Variants in LYN observed in about 807,000 individuals in gnomAD.
The protein encoded by LYN is LYN proto-oncogene, Src family tyrosine kinase.
A neutral mutation model predicts 65.0 loss-of-function variants in LYN; 12 were observed. The ratio of observed to expected loss-of-function variants is 0.18; its 90% CI spans 0.12 to 0.30. The LOEUF (loss-of-function observed/expected upper bound fraction) is 0.30, where lower values mean the gene tolerates loss of function less well. Among genes scored for constraint, LYN ranks in the 10% least tolerant of loss-of-function variants. The pLI, the probability that LYN is intolerant of heterozygous loss-of-function variation, is 1.00. For synonymous variants in LYN, 222 were observed against 221.2 expected, an observed-to-expected ratio of 1.00 and a Z score of -0.03; for missense variants, 380 against 623.2, an observed-to-expected ratio of 0.61 and a Z score of 4.16.
intron 8 of LYN, among the ~76,000 whole-genome samples, chr8:55,962,258 A>T (rs1257445039): frequency 6.6e-6 from 1 of 151,984 alleles, no homozygotes; most frequent in African/African-American, 2.4e-5. Context: ...CGGTTCATTC[A>T]TCTTCATCCT....
At chr8:55,998,893 C>A (rs1001884810) in intron 11 of LYN, among the ~76,000 whole-genome samples, 1 of 152,104 alleles carries the variant, frequency 6.6e-6, no homozygotes, top group South Asian at 2.1e-4. Flanking sequence ...CTTTTAATTA[C>A]AAATTAAAAC....
chr8:55,916,344 G>A (rs1389386148), intron 1 of LYN, among the ~76,000 whole-genome samples: 1 of 152,162 alleles, frequency 6.6e-6, no homozygotes, highest in Non-Finnish European at 1.5e-5. Context: ...ATTACCTACT[G>A]TTAAATGGCC....
At chr8:55,881,497 TC>T (rs1324127723) in intron 1 of LYN, among the ~76,000 whole-genome samples, 1 of 152,210 alleles carries the variant, frequency 6.6e-6, no homozygotes, top group African/African-American at 2.4e-5. Flanking sequence ...AGTTAGTCCC[TC>T]CATTCTCATT....
At chr8:55,898,369 A>T (rs1042390711) in intron 1 of LYN, among the ~76,000 whole-genome samples, 1 of 151,628 alleles carries the variant, frequency 6.6e-6, no homozygotes, top group Non-Finnish European at 1.5e-5. Context: ...GCTCACTGCA[A>T]CCTCCGCCTT....
At position 55,920,267 on chromosome 8, in the gene LYN, A is replaced by G. The variant is rs187252163; in HGVS notation, c.-5-21588A>G. On this transcript the variant is annotated intron_variant, in intron 1 of 12. Transcript: ENST00000519728. ...GGGACTTGGGGACGCATCAGACATT[A>G]TCTGGAGTGCTGTGAAAATTACACC... 2.6e-3 allele frequency among the ~76,000 whole-genome samples: 394 copies of G among 152,310 alleles called. 1 individual carries two copies. The highest frequency in any genetic ancestry group is 9.1e-3 in the African/African-American group (377 of 41,560).
chr8:55,934,369 C>T (rs1011810154), intron 1 of LYN, among the ~76,000 whole-genome samples: 2 of 152,206 alleles, frequency 1.3e-5, no homozygotes, highest in African/African-American at 2.4e-5. Flanking sequence ...TCTTCTTACC[C>T]GCTACTCCTT....
At chr8:55,881,897 G>A (rs115595170) in intron 1 of LYN, among the ~76,000 whole-genome samples, 263 of 152,280 alleles carry the variant, frequency 1.7e-3, no homozygotes, top group African/African-American at 6.1e-3. Flanking sequence ...TGCTCAGTTC[G>A]AGATTACTTG....
chr8:55,947,829 T>C lies in LYN; in HGVS notation c.284+106T>C, dbSNP rs1806829593. The C allele has an allele frequency of 4.0e-6, 3 of 757,010 alleles. No homozygotes were observed. The South Asian group carries it at 4.6e-5, about 12-fold the overall frequency. 46.9% of individuals were successfully genotyped at this position (757,010 alleles called of 1,614,324 possible). A position where few individuals can be genotyped will look rare whatever the true frequency, so the allele number is the denominator to read the frequency against. Reference sequence around the variant, plus strand: ...GGTGCTACAGCCATAGCCCGGCCCCTTTCTTGTAATGGGTATGAGGCCTCC... The same window carrying C: ...GGTGCTACAGCCATAGCCCGGCCCCCTTCTTGTAATGGGTATGAGGCCTCC... On this transcript the variant is annotated intron_variant, in intron 4 of 12. Transcript: ENST00000519728.
At chr8:55,923,195 A>T (rs1469789163) in intron 1 of LYN, among the ~76,000 whole-genome samples, 5 of 152,328 alleles carry the variant, frequency 3.3e-5, no homozygotes, top group African/African-American at 1.2e-4. Flanking sequence ...TAATTTAAAA[A>T]TTTTTTGAAA....
At position 55,953,947 on chromosome 8, in the gene LYN, A is replaced by G. The variant is rs1467399683; in HGVS notation, c.753A>G (p.Lys251=). The change falls in exon 8 of 13, where the codon AAA becomes AAG. Residue 251 remains lysine, a synonymous_variant. Transcript: ENST00000519728. The stretch of plus-strand genomic sequence containing the variant: ...CCCGGGAGTCCATCAAGTTGGTGAA[A>G]AGGCTTGGCGCTGGGCAGTTTGGGG... ...EIPRESIKLV[K]RLGAGQFGEV... 2 of 1,613,994 alleles carry G rather than the reference A, an allele frequency of 1.2e-6. No individual in the cohort carries two copies. The highest frequency in any genetic ancestry group is 1.7e-6 in the Non-Finnish European group (2 of 1,180,010).
chr8:55,916,244 A>G (rs1805777769), intron 1 of LYN, among the ~76,000 whole-genome samples: 2 of 152,090 alleles, frequency 1.3e-5, no homozygotes, highest in South Asian at 2.1e-4. Flanking sequence ...TTGTTTTTTG[A>G]GGGGAAAGTG....
chr8:55,964,704 T>C (rs1173195695), intron 8 of LYN, among the ~76,000 whole-genome samples: 1 of 152,030 alleles, frequency 6.6e-6, no homozygotes, highest in Middle Eastern at 3.2e-3. Context: ...CTGTCTCTCC[T>C]GGAAAAAAGA....
At chr8:55,882,223 C>T (rs961921689) in intron 1 of LYN, among the ~76,000 whole-genome samples, 3 of 152,192 alleles carry the variant, frequency 2.0e-5, no homozygotes, top group African/African-American at 7.2e-5. Flanking sequence ...AGAAGACCTA[C>T]ATTATTTTAG....
chr8:55,898,555 T>C (rs1012489031), intron 1 of LYN, among the ~76,000 whole-genome samples: 3 of 152,150 alleles, frequency 2.0e-5, no homozygotes, highest in Non-Finnish European at 4.4e-5. Context: ...TCCCATAGTG[T>C]TGAGATTACA....
At chr8:55,937,815 G>T (rs534779961) in intron 1 of LYN, among the ~76,000 whole-genome samples, 1 of 152,150 alleles carries the variant, frequency 6.6e-6, no homozygotes, top group Non-Finnish European at 1.5e-5. Flanking sequence ...CCTGCCTCAG[G>T]CTCCTGAGAA....
intron 1 of LYN, among the ~76,000 whole-genome samples, chr8:55,934,784 C>T (rs183862825): frequency 7.9e-5 from 12 of 152,332 alleles, no homozygotes; most frequent in Admixed American, 2.0e-4. Flanking sequence ...CCACCTCACC[C>T]CCCTTTCCCA....
At chr8:55,890,351 G>T (rs975977099) in intron 1 of LYN, among the ~76,000 whole-genome samples, 2 of 151,978 alleles carry the variant, frequency 1.3e-5, no homozygotes, top group Non-Finnish European at 2.9e-5. Context: ...AGTTGCTTAG[G>T]ATGGCTACTA....
chr8:55,966,689 A>G lies in LYN; in HGVS notation c.791-26A>G, dbSNP rs903348548. On this transcript the variant is annotated intron_variant, in intron 8 of 12. Coordinates refer to ENST00000519728, the MANE Select transcript of LYN (RefSeq NM_002350.4). ...GGCTAGATTTTCTGTTTTATAAAGCATGCCCGCCTTCTTTTTTCTTCCTAG... is the reference window on the plus strand; with the variant it reads ...GGCTAGATTTTCTGTTTTATAAAGCGTGCCCGCCTTCTTTTTTCTTCCTAG... 1.9e-6 allele frequency: 3 copies of G among 1,605,976 alleles called. No individual in the cohort carries two copies. The African/African-American group carries it at 4.0e-5, about 22-fold the overall frequency.
At chr8:55,956,186 G>C (rs1376550725) in intron 8 of LYN, among the ~76,000 whole-genome samples, 2 of 151,724 alleles carry the variant, frequency 1.3e-5, no homozygotes, top group Non-Finnish European at 1.5e-5. Context: ...TACAGAATGG[G>C]GCAGGAATAG....
Sources: allele counts gnomAD v4.1 joint callset (sites outside exome capture counted in the v4.1 genomes callset), GRCh38; gene constraint gnomAD v4.1.1; transcripts MANE v1.5; gene names NCBI Gene and HGNC (gene_info 2026-07-23, HGNC 2026-07-21).